KGD4: variants seen among roughly 807,000 people sequenced by gnomAD.
KGD4 encodes alpha-ketoglutarate dehydrogenase component 4.
At chr5:69,223,579 T>TA in the KGD4 span, among the ~76,000 whole-genome samples, 4 of 152,194 alleles carry the variant, frequency 2.6e-5, no homozygotes, top group East Asian at 7.7e-4. Flanking sequence ...ACCTCAGTCT[T>TA]ATTCGTTACA....
chr5:69,229,837 CA>C, the KGD4 span: 2 of 151,774 alleles, frequency 1.3e-5, no homozygotes, highest in Admixed American at 1.3e-4. Flanking sequence ...CAAAGAAAGT[CA>C]AAAAGTGTAA....
the KGD4 span, chr5:69,226,316 A>T: frequency 1.3e-6 from 2 of 1,526,524 alleles, no homozygotes; most frequent in Admixed American, 3.6e-5. Flanking sequence ...ATTGTTTTTC[A>T]TGCATATTAC....
At chr5:69,226,337 G>A in the KGD4 span, 5 of 1,598,382 alleles carry the variant, frequency 3.1e-6, no homozygotes, top group Non-Finnish European at 4.3e-6. Flanking sequence ...TTTTCATTTA[G>A]GTAGTCAAAC....
At chr5:69,223,374 C>T in the KGD4 span, among the ~76,000 whole-genome samples, 237 of 152,090 alleles carry the variant, frequency 1.6e-3, no homozygotes, top group African/African-American at 5.4e-3. Context: ...CCACCATGCC[C>T]GGCCGAGAAG....
the KGD4 span, chr5:69,228,472 A>G: frequency 7.6e-7 from 1 of 1,309,644 alleles, no homozygotes; most frequent in East Asian, 2.4e-5. Flanking sequence ...TTTACATGCT[A>G]TTCCTATTGT....
At chr5:69,219,228 C>A in the KGD4 span, among the ~76,000 whole-genome samples, 1 of 152,168 alleles carries the variant, frequency 6.6e-6, no homozygotes, top group Non-Finnish European at 1.5e-5. Flanking sequence ...AGCTGTCAGT[C>A]TCTAATAGTT....
At chr5:69,225,939 C>T in the KGD4 span, among the ~76,000 whole-genome samples, 1 of 152,118 alleles carries the variant, frequency 6.6e-6, no homozygotes, top group Non-Finnish European at 1.5e-5. Context: ...CCATGTTGCC[C>T]AGGCTGGTCT....
At chr5:69,225,841 A>G in the KGD4 span, among the ~76,000 whole-genome samples, 61 of 152,262 alleles carry the variant, frequency 4.0e-4, no homozygotes, top group African/African-American at 1.4e-3. Context: ...GGCCTCCCAA[A>G]GTGTTGGGAT....
chr5:69,229,836 TC>T, the KGD4 span: 1 of 152,026 alleles, frequency 6.6e-6, no homozygotes, highest in African/African-American at 2.4e-5. Context: ...CCAAAGAAAG[TC>T]AAAAAGTGTA....
chr5:69,218,642 T>A, the KGD4 span, among the ~76,000 whole-genome samples: 1 of 152,226 alleles, frequency 6.6e-6, no homozygotes, highest in African/African-American at 2.4e-5. Context: ...GGTAAAATTA[T>A]TATATAAGTG....
chr5:69,219,208 C>A, the KGD4 span, among the ~76,000 whole-genome samples: 1 of 152,140 alleles, frequency 6.6e-6, no homozygotes, highest in Non-Finnish European at 1.5e-5. Context: ...ATGTTATAGC[C>A]ACTTTGGAAA....
the KGD4 span, chr5:69,218,037 C>T: frequency 2.7e-6 from 3 of 1,119,884 alleles, no homozygotes; most frequent in African/African-American, 4.7e-5. Context: ...GACTTTGAGC[C>T]TGTTGGACCG....
chr5:69,220,814 A>T, the KGD4 span, among the ~76,000 whole-genome samples: 8 of 151,128 alleles, frequency 5.3e-5, no homozygotes, highest in Admixed American at 6.6e-5. Flanking sequence ...AAGTAGACAC[A>T]GGAGACTCCA....
At chr5:69,217,829 C>T in the KGD4 span, 6 of 1,613,806 alleles carry the variant, frequency 3.7e-6, no homozygotes, top group Middle Eastern at 1.6e-4. Context: ...TCTCGGGGGT[C>T]ATGATGGGCA....
the KGD4 span, among the ~76,000 whole-genome samples, chr5:69,219,116 C>T: frequency 6.6e-6 from 1 of 152,108 alleles, no homozygotes; most frequent in East Asian, 1.9e-4. Context: ...ACACATCCAC[C>T]AAAATGACTA....
chr5:69,217,893 C>A, the KGD4 span: 4 of 1,614,078 alleles, frequency 2.5e-6, no homozygotes, highest in South Asian at 4.4e-5. Flanking sequence ...TGTCGCGTTT[C>A]CGCATCTTGG....
chr5:69,226,197 C>A, the KGD4 span: 1 of 616,262 alleles, frequency 1.6e-6, no homozygotes, highest in South Asian at 2.2e-5. Context: ...ATTCATAGAC[C>A]AGCTTTCCTG....
the KGD4 span, chr5:69,217,772 G>C: frequency 1.9e-6 from 3 of 1,611,132 alleles, no homozygotes; most frequent in Non-Finnish European, 2.5e-6. Flanking sequence ...AGCTGCCCGG[G>C]ACTCCAGTGA....
the KGD4 span, among the ~76,000 whole-genome samples, chr5:69,218,598 TTTTA>T: frequency 6.6e-6 from 1 of 152,136 alleles, no homozygotes; most frequent in African/African-American, 2.4e-5. Flanking sequence ...CTGATAGCCT[TTTTA>T]TTTGTTTCTT....
Sources: gnomAD v4.1 joint callset for allele counts (sites outside exome capture counted in the v4.1 genomes callset) on GRCh38, gnomAD v4.1.1 for gene constraint, MANE v1.5 for transcripts, NCBI Gene and HGNC (gene_info 2026-07-23, HGNC 2026-07-21) for gene names.